ARFIP1: variants seen among roughly 807,000 people sequenced by gnomAD.
The protein encoded by ARFIP1 is ARF interacting protein 1.
A neutral mutation model predicts 42.5 loss-of-function variants in ARFIP1; 24 were observed. That is an observed-to-expected ratio of 0.57 (90% confidence interval 0.41 to 0.80). The LOEUF is 0.80. ARFIP1 is among the 30% of genes least tolerant of loss of function. ARFIP1 has a pLI of 0.00. For synonymous variants in ARFIP1, 141 were observed against 153.7 expected, an observed-to-expected ratio of 0.92 and a Z score of 0.61; for missense variants, 354 against 434.0, an observed-to-expected ratio of 0.82 and a Z score of 1.64.
chr4:152,875,616 T>A (rs918574300), intron 5 of ARFIP1, among the ~76,000 whole-genome samples: 2 of 152,206 alleles, frequency 1.3e-5, no homozygotes, highest in African/African-American at 4.8e-5. Flanking sequence ...ATTTTCCTTT[T>A]GTGCTACCTT....
chr4:152,858,510 A>G (rs1733621180), intron 2 of ARFIP1, among the ~76,000 whole-genome samples: 1 of 152,176 alleles, frequency 6.6e-6, no homozygotes, highest in Admixed American at 6.5e-5. Flanking sequence ...TCTGACCAAA[A>G]AGTCTAATGT....
chr4:152,910,307 G>A lies in ARFIP1; in HGVS notation c.*88G>A. 1.4e-6 allele frequency: 2 copies of A among 1,428,374 alleles called. No homozygotes were observed. Among genetic ancestry groups the A allele is most frequent in the Non-Finnish European group, 1.9e-6 (2 of 1,054,930 alleles). The allele number at this position is 1,428,374 out of a possible 1,614,324, so 88.5% of individuals were successfully genotyped here. ...TTAAGCAGAGTTGGGGGAAGTGGGAGGGGTGACAAGCATTATAGTGATTCT... is the reference window on the plus strand; with the variant it reads ...TTAAGCAGAGTTGGGGGAAGTGGGAAGGGTGACAAGCATTATAGTGATTCT... On this transcript the variant is annotated 3_prime_UTR_variant, in exon 9 of 9. Coordinates refer to ENST00000353617, the MANE Select transcript of ARFIP1 (RefSeq NM_001025595.3).
chr4:152,881,899 A>G (rs1245998335), intron 6 of ARFIP1, among the ~76,000 whole-genome samples: 2 of 152,232 alleles, frequency 1.3e-5, no homozygotes, highest in Non-Finnish European at 2.9e-5. Context: ...TAGTTAATTT[A>G]ATATTACATT....
chr4:152,843,992 G>T (rs1732331760), intron 2 of ARFIP1, among the ~76,000 whole-genome samples: 1 of 152,152 alleles, frequency 6.6e-6, no homozygotes, highest in African/African-American at 2.4e-5. Context: ...TTCTCACTGT[G>T]GAGTTTTACC....
At chr4:152,891,203 A>G (rs925282489) in intron 8 of ARFIP1, among the ~76,000 whole-genome samples, 6 of 152,226 alleles carry the variant, frequency 3.9e-5, no homozygotes, top group Admixed American at 3.9e-4. Context: ...TCAGCATTTG[A>G]ATTTGGCAGG....
At chr4:152,896,118 G>A (rs28503489) in intron 8 of ARFIP1, among the ~76,000 whole-genome samples, 33,846 of 149,744 alleles carry the variant, frequency 0.23, 4,750 homozygotes, top group African/African-American at 0.41. Context: ...TATTGGGGCC[G>A]AGATAGAAAG....
In ARFIP1 at chr4:152,881,200, A is replaced by G. The variant is rs2149891957; in HGVS notation, c.633+16A>G. On this transcript the variant is annotated intron_variant, in intron 6 of 8. Coordinates refer to ENST00000353617, the MANE Select transcript of ARFIP1 (RefSeq NM_001025595.3). ...AGAACTTCATGTAAGATTATTCTAA[A>G]TAACTATTAGGGATGGGAGAAAATG... is the stretch of plus-strand genomic sequence containing the variant. 3.2e-6 allele frequency: 5 copies of G among 1,560,014 alleles called. No homozygotes were observed. Among genetic ancestry groups the G allele is most frequent in the Non-Finnish European group, 4.4e-6 (5 of 1,134,946 alleles).
In ARFIP1 at chr4:152,905,545, GTTTTTTTT is replaced by G. The variant is rs59608457; in HGVS notation, c.967-4501_967-4494del. Among the ~76,000 whole-genome samples the G allele has an allele frequency of 1.6e-4, 5 of 30,376 alleles. No individual in the cohort carries two copies. The Admixed American group carries it at 1.8e-3, about 11-fold the overall frequency. The allele number at this position is 30,376 out of a possible 152,430, so 19.9% of individuals were successfully genotyped here. A position where few individuals can be genotyped will look rare whatever the true frequency, so the allele number is the denominator to read the frequency against. ...TTATTCTTACTGAATTGTAAGAATT[GTTTTTTTT>G]TTTTTTTTTTTTTTTTTGAGATGGA... On this transcript the variant is annotated intron_variant, in intron 8 of 8. Transcript: ENST00000353617.
At chr4:152,794,948 T>G (rs950655081) in intron 1 of ARFIP1, among the ~76,000 whole-genome samples, 2 of 152,174 alleles carry the variant, frequency 1.3e-5, no homozygotes, top group Non-Finnish European at 2.9e-5. Context: ...TTTGAAGTTT[T>G]CTTTATTTTC....
chr4:152,784,163 T>C (rs540865623), intron 1 of ARFIP1, among the ~76,000 whole-genome samples: 1 of 152,334 alleles, frequency 6.6e-6, no homozygotes, highest in East Asian at 1.9e-4. Flanking sequence ...TTCCACTTAA[T>C]ATGGAAGTTG....
chr4:152,848,980 T>C (rs1454243964), intron 2 of ARFIP1, among the ~76,000 whole-genome samples: 1 of 152,200 alleles, frequency 6.6e-6, no homozygotes, highest in Non-Finnish European at 1.5e-5. Context: ...TTTGACCAAA[T>C]ATGTATGTTG....
chr4:152,821,576 A>T (rs932058382), intron 1 of ARFIP1, among the ~76,000 whole-genome samples: 5 of 152,230 alleles, frequency 3.3e-5, no homozygotes, highest in Admixed American at 1.3e-4. Context: ...TATTTAAGGG[A>T]ATAATTGAGG....
At chr4:152,844,161 A>T (rs541458687) in intron 2 of ARFIP1, among the ~76,000 whole-genome samples, 26 of 152,154 alleles carry the variant, frequency 1.7e-4, no homozygotes, top group Non-Finnish European at 3.1e-4. Context: ...GTAAAATCAG[A>T]AACTTCTCCC....
chr4:152,880,432 T>A (rs1220383051), intron 5 of ARFIP1, among the ~76,000 whole-genome samples: 16 of 152,114 alleles, frequency 1.1e-4, no homozygotes. Flanking sequence ...AATACCACAC[T>A]GTGTGAGTAA....
chr4:152,909,661 C>G (rs955661855), intron 8 of ARFIP1, among the ~76,000 whole-genome samples: 2 of 152,104 alleles, frequency 1.3e-5, no homozygotes, highest in African/African-American at 2.4e-5. Context: ...TTACATAAAG[C>G]TTAGATTTAA....
chr4:152,844,883 C>CA (rs1360691929), intron 2 of ARFIP1, among the ~76,000 whole-genome samples: 2 of 151,572 alleles, frequency 1.3e-5, no homozygotes, highest in Admixed American at 6.6e-5. Flanking sequence ...CATATAGAAC[C>CA]AAAAAAAGAG....
At chr4:152,906,309 C>T (rs977253217) in intron 8 of ARFIP1, among the ~76,000 whole-genome samples, 1 of 152,214 alleles carries the variant, frequency 6.6e-6, no homozygotes, top group East Asian at 1.9e-4. Context: ...AGAGATATCT[C>T]AAGCATGTCC....
At chr4:152,849,113 T>C (rs1209909271) in intron 2 of ARFIP1, among the ~76,000 whole-genome samples, 3 of 152,328 alleles carry the variant, frequency 2.0e-5, no homozygotes, top group South Asian at 2.1e-4. Flanking sequence ...TACTACAAAT[T>C]AAAATTTTAA....
At chr4:152,781,237 T>TC (rs984966394) in intron 1 of ARFIP1, among the ~76,000 whole-genome samples, 7 of 143,934 alleles carry the variant, frequency 4.9e-5, no homozygotes, top group Non-Finnish European at 9.1e-5. Context: ...CTTTTTTCTT[T>TC]TTTTTTTTTT....
Sources: allele counts gnomAD v4.1 joint callset (sites outside exome capture counted in the v4.1 genomes callset), GRCh38; gene constraint gnomAD v4.1.1; transcripts MANE v1.5; gene names NCBI Gene and HGNC (gene_info 2026-07-23, HGNC 2026-07-21).